The following CPA4 variants were observed in gnomAD, a reference collection of about 807,000 sequenced individuals.
CPA4 encodes the protein carboxypeptidase A4, also known as carboxypeptidase A3.
Under a neutral mutation model 54.7 loss-of-function variants are expected in CPA4, and 49 were observed. The ratio of observed to expected loss-of-function variants is 0.90; its 90% CI spans 0.71 to 1.14. The LOEUF is 1.14. CPA4 is among the 50% of genes most tolerant of loss of function. The probability of loss-of-function intolerance (pLI) is 0.00; values close to 1 mark genes in which losing one functional copy is unlikely to be tolerated. For missense variants in CPA4, 487 were observed against 525.1 expected, an observed-to-expected ratio of 0.93 and a Z score of 0.71; for synonymous variants, 215 against 206.8, an observed-to-expected ratio of 1.04 and a Z score of -0.34.
At chr7:130,302,778 C>T (rs1457687790) in intron 4 of CPA4, among the ~76,000 whole-genome samples, 1 of 152,158 alleles carries the variant, frequency 6.6e-6, no homozygotes, top group Non-Finnish European at 1.5e-5. Flanking sequence ...TTTCCAGGCC[C>T]TTTTTGTGGC....
chr7:130,299,138 A>G (rs763901433), intron 2 of CPA4, 132 bp from the exon 3 acceptor site: 1 of 964,322 alleles, frequency 1.0e-6, no homozygotes, highest in African/African-American at 1.6e-5. Flanking sequence ...TGAAATGGGC[A>G]AACTTTGCCC....
At position 130,308,379 on chromosome 7, in the gene CPA4, T is replaced by C. The variant is rs751292238; in HGVS notation, c.775T>C (p.Trp259Arg). The change falls in exon 8 of 11, where the codon TGG (tryptophan) becomes CGG (arginine). Residue 259 changes from tryptophan to arginine, a missense_variant. Trp to Arg is a moderately radical substitution (Grantham distance 101). Coordinates refer to ENST00000222482, the MANE Select transcript of CPA4 (RefSeq NM_016352.4). ...SCIGADPNRN[W>R]NASFAGKGAS... The stretch of plus-strand genomic sequence containing the variant: ...CATTGGTGCTGACCCAAATAGAAAC[T>C]GGAACGCTAGTTTTGCAGGTAGGCG... The C allele has an allele frequency of 1.2e-6, 2 of 1,614,040 alleles. No individual in the cohort carries two copies. The highest frequency in any genetic ancestry group is 2.2e-5 in the South Asian group (2 of 91,080).
intron 8 of CPA4, among the ~76,000 whole-genome samples, chr7:130,308,943 TC>T (rs1466683147): frequency 1.3e-5 from 2 of 150,156 alleles, no homozygotes; most frequent in Non-Finnish European, 3.0e-5. Context: ...AACCTCCGCC[TC>T]CCGGGTTCAA....
At chr7:130,294,367 T>C (rs1378622873) in intron 1 of CPA4, among the ~76,000 whole-genome samples, 2 of 152,220 alleles carry the variant, frequency 1.3e-5, no homozygotes, top group Non-Finnish European at 2.9e-5. Flanking sequence ...TTATATGAGA[T>C]TGACTAAGTT....
intron 10 of CPA4, among the ~76,000 whole-genome samples, chr7:130,316,702 C>A (rs540450825): frequency 6.6e-6 from 1 of 152,178 alleles, no homozygotes; most frequent in South Asian, 2.1e-4. Flanking sequence ...CTTTGGGAGG[C>A]CGAGGCGGGT....
intron 3 of CPA4, among the ~76,000 whole-genome samples, chr7:130,300,116 C>T (rs1035345735): frequency 6.6e-6 from 1 of 152,282 alleles, no homozygotes; most frequent in South Asian, 2.1e-4. Context: ...TCACATGTCA[C>T]AGACATCTGC....
In CPA4 at chr7:130,310,890, G is replaced by A. The variant is rs1793901002; in HGVS notation, c.897G>A (p.Gly299=). Residue 299 remains glycine (G), a synonymous_variant, in exon 9 of 11, where the codon GGG becomes GGA. Transcript: ENST00000222482. The surrounding 1 kb of genome is among the most constrained non-coding windows in gnomAD (Gnocchi z 4.3). ...KSVVDFIQKH[G]NFKGFIDLHS... Reference sequence around the variant, plus strand: ...TGGTAGATTTCATCCAAAAACATGGGAATTTCAAGGGCTTCATCGACCTGC... The same window carrying A: ...TGGTAGATTTCATCCAAAAACATGGAAATTTCAAGGGCTTCATCGACCTGC... The A allele has an allele frequency of 6.2e-7, 1 of 1,614,022 alleles. No homozygotes were observed. Among genetic ancestry groups the A allele is most frequent in the Non-Finnish European group, 8.5e-7 (1 of 1,180,016 alleles).
chr7:130,305,063 A>AG (rs149485576), intron 5 of CPA4, among the ~76,000 whole-genome samples: 6,554 of 152,298 alleles, frequency 0.043, 226 homozygotes, highest in African/African-American at 0.094. Flanking sequence ...GTATTGGCAA[A>AG]GAGGTAGAGA....
chr7:130,312,304 A>G (rs1043313045), intron 10 of CPA4, among the ~76,000 whole-genome samples, 182 bp downstream of exon 10: 1 of 152,208 alleles, frequency 6.6e-6, no homozygotes, highest in African/African-American at 2.4e-5. Context: ...CTTCATCAAC[A>G]TCATATCAAA....
At chr7:130,317,139 C>T (rs1794000952) in intron 10 of CPA4, among the ~76,000 whole-genome samples, 1 of 152,170 alleles carries the variant, frequency 6.6e-6, no homozygotes, top group Admixed American at 6.5e-5. Flanking sequence ...CTCTTGTCAG[C>T]TTCCCAAAGT....
At chr7:130,311,312 G>A (rs1223080850) in intron 9 of CPA4, among the ~76,000 whole-genome samples, 1 of 152,190 alleles carries the variant, frequency 6.6e-6, no homozygotes. Flanking sequence ...AAGGGGGAGA[G>A]ATCCTCACTC....
At position 130,322,619 on chromosome 7, in the gene CPA4, G is replaced by A. The variant is rs373063435; in HGVS notation, c.1209G>A (p.Glu403=). Residue 403 remains glutamate, a synonymous_variant, in exon 11 of 11, where the codon GAG becomes GAA. Transcript: ENST00000222482. The part of the protein sequence containing the change: ...LPANQIIPTA[E]ETWLGLKTIM... ...CTAACCAGATCATCCCCACTGCAGA[G>A]GAGACGTGGCTGGGGCTGAAGACCA... 17 of 1,614,114 alleles carry A rather than the reference G, an allele frequency of 1.1e-5. No homozygotes were observed. The highest frequency in any genetic ancestry group is 2.2e-5 in the East Asian group (1 of 44,900).
chr7:130,300,739 T>C, intron 3 of CPA4, 77 bp from the exon 4 acceptor site: 1 of 950,804 alleles, frequency 1.1e-6, no homozygotes, highest in South Asian at 1.3e-5. Context: ...GGCTGACCCA[T>C]ATGCAAAGAT....
At position 130,322,694 on chromosome 7, in the gene CPA4, T is replaced by C. The variant is rs757961383; in HGVS notation, c.*18T>C. Reference sequence around the variant, plus strand: ...TCTACTAGGCGATGGCTCTGCTCTGTCTACATTTATTTGTACCCACACGTG... The same window carrying C: ...TCTACTAGGCGATGGCTCTGCTCTGCCTACATTTATTTGTACCCACACGTG... On this transcript the variant is annotated 3_prime_UTR_variant, in exon 11 of 11. Coordinates refer to ENST00000222482, the MANE Select transcript of CPA4 (RefSeq NM_016352.4). 2 of 1,604,952 alleles carry C rather than the reference T, an allele frequency of 1.2e-6. No individual in the cohort carries two copies. Among genetic ancestry groups the C allele is most frequent in the Non-Finnish European group, 1.7e-6 (2 of 1,175,578 alleles).
intron 4 of CPA4, among the ~76,000 whole-genome samples, chr7:130,303,102 C>T (rs1213379817): frequency 1.3e-5 from 2 of 152,306 alleles, no homozygotes; most frequent in African/African-American, 2.4e-5. Context: ...CTGATAAACC[C>T]TTTAAGCTTG....
At chr7:130,312,152 A>C in intron 10 of CPA4, 30 bp downstream of exon 10, 1 of 1,525,766 alleles carries the variant, frequency 6.6e-7, no homozygotes, top group Non-Finnish European at 9.1e-7. Flanking sequence ...TGAGTTATTT[A>C]GAAAGCACTT....
At chr7:130,304,820 G>T (rs1213637676) in intron 5 of CPA4, among the ~76,000 whole-genome samples, 1 of 152,200 alleles carries the variant, frequency 6.6e-6, no homozygotes, top group African/African-American at 2.4e-5. Flanking sequence ...TCAAAGGGAG[G>T]TGATTAGTAT....
At chr7:130,293,570 C>T (rs1793604776) in intron 1 of CPA4, 2 of 269,942 alleles carry the variant, frequency 7.4e-6, no homozygotes, top group South Asian at 8.5e-5. Context: ...CTAAGAGTTA[C>T]TGGTTACTAA....
In CPA4 at chr7:130,310,866, G is replaced by A. The variant is rs754474431; in HGVS notation, c.873G>A (p.Val291=). 2 of 1,613,788 alleles carry A rather than the reference G, an allele frequency of 1.2e-6. No homozygotes were observed. The highest frequency in any genetic ancestry group is 1.7e-6 in the Non-Finnish European group (2 of 1,179,660). Residue 291 remains valine (V), a synonymous_variant, in exon 9 of 11, where the codon GTG becomes GTA. Coordinates refer to ENST00000222482, the MANE Select transcript of CPA4 (RefSeq NM_016352.4). This position sits in a 1 kb window ranked among gnomAD's most constrained non-coding sequence, Gnocchi z 4.3. ...ATTCGGAAGTGGAGGTGAAATCAGT[G>A]GTAGATTTCATCCAAAAACATGGGA... ...HANSEVEVKS[V]VDFIQKHGNF...
Sources: allele counts gnomAD v4.1 joint callset (sites outside exome capture counted in the v4.1 genomes callset), GRCh38; gene constraint gnomAD v4.1.1; non-coding constraint Gnocchi (gnomAD v3.1); transcripts MANE v1.5; gene names NCBI Gene and HGNC (gene_info 2026-07-23, HGNC 2026-07-21).